The following ARHGAP6 variants were observed in gnomAD, a reference collection of about 807,000 sequenced individuals.
ARHGAP6 encodes rho GTPase-activating protein 6.
A neutral mutation model predicts 55.7 loss-of-function variants in ARHGAP6; 16 were observed. The observed-to-expected ratio is 0.29, with a 90% CI of 0.19 to 0.44. The LOEUF is 0.44. Among genes scored for constraint, ARHGAP6 ranks in the 20% least tolerant of loss-of-function variants. ARHGAP6 has a pLI of 1.00. For synonymous variants in ARHGAP6, 382 were observed against 360.9 expected, an observed-to-expected ratio of 1.06 and a Z score of -0.66; for missense variants, 698 against 808.9, an observed-to-expected ratio of 0.86 and a Z score of 1.66.
chrX:11,609,838 A>G (rs905858037), intron 1 of ARHGAP6, among the ~76,000 whole-genome samples: 1 of 111,978 alleles, frequency 8.9e-6, no homozygotes, highest in Non-Finnish European at 1.9e-5. Context: ...CCTAGAAGAA[A>G]GAGGAGGCTG....
intron 1 of ARHGAP6, among the ~76,000 whole-genome samples, chrX:11,660,702 G>C (rs747040991): frequency 4.0e-4 from 44 of 109,871 alleles, no homozygotes; most frequent in African/African-American, 1.4e-3. Flanking sequence ...ATTGCGCTTA[G>C]GGCCCTCTAA....
intron 1 of ARHGAP6, among the ~76,000 whole-genome samples, chrX:11,535,072 C>T (rs1206869483): frequency 8.1e-5 from 9 of 111,560 alleles, no homozygotes; most frequent in Admixed American, 3.8e-4. Context: ...TAACCACATA[C>T]GGTATTACAT....
chrX:11,491,624 T>C lies in ARHGAP6; in HGVS notation c.588+172617A>G, dbSNP rs1336973547. Among the ~76,000 whole-genome samples, 4 of 112,048 alleles carry C rather than the reference T, an allele frequency of 3.6e-5. 1 individual carries two copies. The Admixed American group carries it at 3.8e-4, about 11-fold the overall frequency. On this transcript the variant is annotated intron_variant, in intron 1 of 12. Transcript: ENST00000337414. ...AATCCAGTCTATCATTGTTGGACAT[T>C]TGGGTTGGTTCCAAGTCTTTGCTAT...
intron 1 of ARHGAP6, among the ~76,000 whole-genome samples, chrX:11,418,312 C>T (rs757455382): frequency 9.8e-5 from 11 of 111,951 alleles, no homozygotes; most frequent in South Asian, 7.4e-4. Context: ...GGGTACAGGG[C>T]GGTTTAACTG....
intron 3 of ARHGAP6, among the ~76,000 whole-genome samples, chrX:11,189,256 A>G (rs1003965681): frequency 8.9e-6 from 1 of 111,852 alleles, no homozygotes; most frequent in Non-Finnish European, 1.9e-5. Context: ...TTCAACAGGC[A>G]TTTATTGAAT....
intron 1 of ARHGAP6, among the ~76,000 whole-genome samples, chrX:11,464,988 T>C (rs2050279644): frequency 8.9e-6 from 1 of 111,922 alleles, no homozygotes; most frequent in Non-Finnish European, 1.9e-5. Context: ...TCATCTGTTA[T>C]CTTTCAGCTT....
intron 10 of ARHGAP6, among the ~76,000 whole-genome samples, chrX:11,148,269 C>A (rs1453541292): frequency 7.1e-5 from 8 of 111,950 alleles, no homozygotes; most frequent in Admixed American, 3.8e-4. Context: ...TATCTATTTA[C>A]ATGAAATTTT....
At chrX:11,498,175 A>G (rs181747536) in intron 1 of ARHGAP6, among the ~76,000 whole-genome samples, 1 of 111,635 alleles carries the variant, frequency 9.0e-6, no homozygotes. Flanking sequence ...ATTTTTTCCC[A>G]TAACAAATAA....
intron 10 of ARHGAP6, chrX:11,148,741 C>T (rs1433943553): frequency 1.1e-5 from 4 of 368,231 alleles, no homozygotes; most frequent in East Asian, 7.6e-5. Context: ...TGGAAAACTC[C>T]GGTTCAATCA....
At chrX:11,188,090 T>C (rs1348647768) in intron 4 of ARHGAP6, among the ~76,000 whole-genome samples, 2 of 111,603 alleles carry the variant, frequency 1.8e-5, no homozygotes, top group Non-Finnish European at 3.8e-5. Flanking sequence ...GAGAAGATCT[T>C]CCAGTGACCT....
At chrX:11,295,886 G>A (rs2048076792) in intron 1 of ARHGAP6, among the ~76,000 whole-genome samples, 2 of 111,681 alleles carry the variant, frequency 1.8e-5, no homozygotes, top group South Asian at 7.6e-4. Context: ...ATGTCTGAGG[G>A]AGATTTTCTG....
intron 1 of ARHGAP6, among the ~76,000 whole-genome samples, chrX:11,406,398 A>C (rs2049608940): frequency 1.8e-5 from 2 of 111,169 alleles, no homozygotes; most frequent in African/African-American, 6.6e-5. Context: ...TTTAAAGATA[A>C]TGATCTTTTT....
At chrX:11,290,868 C>G (rs2047982411) in intron 1 of ARHGAP6, among the ~76,000 whole-genome samples, 1 of 112,037 alleles carries the variant, frequency 8.9e-6, no homozygotes, top group Non-Finnish European at 1.9e-5. Flanking sequence ...AGGCGAGGCC[C>G]TCCCAGGCCA....
intron 8 of ARHGAP6, among the ~76,000 whole-genome samples, chrX:11,174,617 TCTTTCTTTTCTTTCTTTCTTTCTTTC>T (rs2046163156): frequency 1.6e-5 from 1 of 62,158 alleles, no homozygotes; most frequent in East Asian, 4.1e-4. Flanking sequence ...TCTTTCTTTC[TCTTTCTTTTCTTTCTTTCTTTCTTTC>T]TTTCTTTCTT....
At chrX:11,649,415 G>A (rs933009079) in intron 1 of ARHGAP6, among the ~76,000 whole-genome samples, 10 of 112,046 alleles carry the variant, frequency 8.9e-5, no homozygotes, top group Non-Finnish European at 1.7e-4. Flanking sequence ...CAGCAATAGA[G>A]AACTAAAACA....
chrX:11,563,051 T>A (rs1002852149), intron 1 of ARHGAP6, among the ~76,000 whole-genome samples: 2 of 111,575 alleles, frequency 1.8e-5, no homozygotes, highest in Non-Finnish European at 3.8e-5. Context: ...AAAGTTTTTT[T>A]AAAAGAGACA....
chrX:11,612,230 A>G (rs999242969), intron 1 of ARHGAP6, among the ~76,000 whole-genome samples: 1 of 111,818 alleles, frequency 8.9e-6, no homozygotes, highest in African/African-American at 3.3e-5. Flanking sequence ...TGCATGTTTT[A>G]AGTGAGCAGC....
At chrX:11,390,897 A>T (rs1231215801) in intron 1 of ARHGAP6, among the ~76,000 whole-genome samples, 1 of 112,141 alleles carries the variant, frequency 8.9e-6, no homozygotes, top group East Asian at 2.8e-4. Context: ...ATTGTGGAAG[A>T]CAGTGTGGTG....
At chrX:11,516,686 A>G (rs1409427223) in intron 1 of ARHGAP6, among the ~76,000 whole-genome samples, 1 of 112,312 alleles carries the variant, frequency 8.9e-6, no homozygotes, top group East Asian at 2.8e-4. Flanking sequence ...TGGGAGTTTA[A>G]TGTTTCAGTT....
Sources: allele counts gnomAD v4.1 joint callset (sites outside exome capture counted in the v4.1 genomes callset), GRCh38; gene constraint gnomAD v4.1.1; transcripts MANE v1.5; gene names NCBI Gene and HGNC (gene_info 2026-07-23, HGNC 2026-07-21).